The following DLGAP1 variants were observed in gnomAD, a reference collection of about 807,000 sequenced individuals.
The protein encoded by DLGAP1 is disks large-associated protein 1.
A neutral mutation model predicts 90.8 loss-of-function variants in DLGAP1; 11 were observed. The ratio of observed to expected loss-of-function variants is 0.12; its 90% CI spans 0.08 to 0.20. The LOEUF (loss-of-function observed/expected upper bound fraction) is 0.20, where lower values mean the gene tolerates loss of function less well. DLGAP1 is among the 10% of genes least tolerant of loss of function. The pLI, the probability that DLGAP1 is intolerant of heterozygous loss-of-function variation, is 1.00. For synonymous variants in DLGAP1, 558 were observed against 540.7 expected (o/e 1.03, Z -0.44); for missense variants, 1,050 against 1,333.8 (o/e 0.79, Z 3.31).
intron 5 of DLGAP1, among the ~76,000 whole-genome samples, chr18:3,761,317 C>T (rs1394417462): frequency 6.6e-6 from 1 of 152,142 alleles, no homozygotes; most frequent in Non-Finnish European, 1.5e-5. Flanking sequence ...CTCTAGGCAC[C>T]TCATATAAGT....
rs2076696400 is a variant in DLGAP1 at position 4,152,805 on chromosome 18, C to T, written c.-266-1518G>A. ...TTAGTCATACTTTAAAGATTATGAG[C>T]CCTGATTTATATACTAGTATCCTGC... On this transcript the variant is annotated intron_variant, in intron 1 of 12. Coordinates refer to ENST00000315677, the MANE Select transcript of DLGAP1 (RefSeq NM_004746.4). Among the ~76,000 whole-genome samples the T allele has an allele frequency of 2.0e-5, 3 of 152,244 alleles. No homozygotes were observed. In the South Asian group the frequency reaches 6.2e-4, roughly 32 times the overall value.
At chr18:3,741,121 T>TCACCATCACCAC (rs1568048589) in intron 6 of DLGAP1, among the ~76,000 whole-genome samples, 8 of 49,846 alleles carry the variant, frequency 1.6e-4, no homozygotes, top group Non-Finnish European at 2.3e-4. Context: ...ACCACCACCA[T>TCACCATCACCAC]CACCACCACC....
At chr18:3,589,956 G>A (rs993756492) in intron 7 of DLGAP1, among the ~76,000 whole-genome samples, 1 of 152,208 alleles carries the variant, frequency 6.6e-6, no homozygotes, top group African/African-American at 2.4e-5. Flanking sequence ...TGTTGCCCAG[G>A]CTGGAGCGCA....
At chr18:4,444,943 A>AGATGAATCAT (rs2083624203) in intron 1 of DLGAP1, among the ~76,000 whole-genome samples, 1 of 152,228 alleles carries the variant, frequency 6.6e-6, no homozygotes, top group Non-Finnish European at 1.5e-5. Flanking sequence ...CTAGCTAGTT[A>AGATGAATCAT]GATGAATCAT....
chr18:4,268,334 A>C (rs11663371), intron 1 of DLGAP1, among the ~76,000 whole-genome samples: 37 of 152,328 alleles, frequency 2.4e-4, no homozygotes, highest in African/African-American at 8.4e-4. Flanking sequence ...TTTTTTAATA[A>C]TTTTATTCTA....
intron 7 of DLGAP1, among the ~76,000 whole-genome samples, chr18:3,668,213 T>C (rs181427897): frequency 1.3e-5 from 2 of 152,308 alleles, no homozygotes; most frequent in East Asian, 1.9e-4. Flanking sequence ...AGAACTCCCA[T>C]ACATAATGAA....
At chr18:3,830,130 A>T (rs1335091208) in intron 4 of DLGAP1, among the ~76,000 whole-genome samples, 1 of 152,240 alleles carries the variant, frequency 6.6e-6, no homozygotes, top group African/African-American at 2.4e-5. Context: ...GCTCTGTACC[A>T]GCACCTAGCA....
At chr18:3,957,138 G>A (rs1175800807) in intron 3 of DLGAP1, among the ~76,000 whole-genome samples, 1 of 152,168 alleles carries the variant, frequency 6.6e-6, no homozygotes, top group East Asian at 1.9e-4. Context: ...CGATCCATGT[G>A]GGCCAATGTA....
chr18:3,846,043 G>GTTGTGTGTGTGTGTGTGT (rs2068990939), intron 4 of DLGAP1, among the ~76,000 whole-genome samples: 1 of 145,024 alleles, frequency 6.9e-6, no homozygotes, highest in Non-Finnish European at 1.5e-5. Context: ...TTGAAAGTGT[G>GTTGTGTGTGTGTGTGTGT]GTGTGTGTGT....
chr18:4,398,333 A>AT (rs33972681), intron 1 of DLGAP1, among the ~76,000 whole-genome samples: 150,172 of 152,256 alleles, frequency 0.99, 74,095 homozygotes, highest in East Asian at 1. Flanking sequence ...TCATAAAGCA[A>AT]TTTTTTTCAT....
chr18:4,259,257 G>C (rs2078957402), intron 1 of DLGAP1, among the ~76,000 whole-genome samples: 1 of 152,184 alleles, frequency 6.6e-6, no homozygotes, highest in African/African-American at 2.4e-5. Flanking sequence ...ATCTGAGAAA[G>C]CCCCGGTGTC....
intron 3 of DLGAP1, among the ~76,000 whole-genome samples, chr18:3,991,232 T>C (rs1048329474): frequency 6.6e-6 from 1 of 152,152 alleles, no homozygotes; most frequent in East Asian, 1.9e-4. Context: ...AAGCCCATTC[T>C]GAGATTTTAT....
intron 4 of DLGAP1, among the ~76,000 whole-genome samples, chr18:3,872,405 T>C (rs1282798259): frequency 1.3e-5 from 2 of 151,998 alleles, no homozygotes; most frequent in Admixed American, 6.6e-5. Flanking sequence ...TGAATATAAG[T>C]AAATCAGTCA....
intron 7 of DLGAP1, among the ~76,000 whole-genome samples, chr18:3,695,067 G>A (rs1215545064): frequency 6.6e-6 from 1 of 151,658 alleles, no homozygotes; most frequent in Non-Finnish European, 1.5e-5. Context: ...AGCCTCCCGA[G>A]TAGCTGGGAC....
chr18:4,166,963 A>ACC (rs2076943947), intron 1 of DLGAP1, among the ~76,000 whole-genome samples: 2 of 152,216 alleles, frequency 1.3e-5, no homozygotes, highest in African/African-American at 4.8e-5. Flanking sequence ...ATGTTTGCAT[A>ACC]ATAATGTGAA....
At chr18:4,249,515 G>A (rs12968588) in intron 1 of DLGAP1, among the ~76,000 whole-genome samples, 18,111 of 150,550 alleles carry the variant, frequency 0.12, 1,281 homozygotes, top group African/African-American at 0.18. Context: ...AAATGAGTCA[G>A]GCAACACTTT....
At chr18:4,372,205 A>G (rs1453383081) in intron 1 of DLGAP1, among the ~76,000 whole-genome samples, 1 of 152,246 alleles carries the variant, frequency 6.6e-6, no homozygotes, top group Non-Finnish European at 1.5e-5. Flanking sequence ...ACACAGAACC[A>G]GGTATAAAAT....
intron 1 of DLGAP1, among the ~76,000 whole-genome samples, chr18:4,307,723 T>C (rs1305790418): frequency 8.6e-6 from 1 of 116,460 alleles, no homozygotes; most frequent in Non-Finnish European, 1.9e-5. Context: ...TTTTTTTTTT[T>C]TTTTTTTTTT....
At chr18:4,040,371 T>C (rs148827849) in intron 2 of DLGAP1, among the ~76,000 whole-genome samples, 279 of 152,360 alleles carry the variant, frequency 1.8e-3, no homozygotes, top group African/African-American at 6.4e-3. Flanking sequence ...AGCTATATTT[T>C]ATTGTTGATG....
Sources: allele counts gnomAD v4.1 joint callset (sites outside exome capture counted in the v4.1 genomes callset), GRCh38; gene constraint gnomAD v4.1.1; transcripts MANE v1.5; gene names NCBI Gene and HGNC (gene_info 2026-07-23, HGNC 2026-07-21).